The following DMD variants were observed in gnomAD, a reference collection of about 807,000 sequenced individuals.
DMD encodes mutant dystrophin.
DMD carries 63 observed loss-of-function variants against 330.1 expected under a neutral mutation model. That is an observed-to-expected ratio of 0.19 (90% CI 0.16 to 0.24). The LOEUF (loss-of-function observed/expected upper bound fraction) is 0.24. DMD is among the 10% of genes least tolerant of loss of function. The pLI, the probability that DMD is intolerant of heterozygous loss-of-function variation, is 1.00. For synonymous variants in DMD, 1,223 were observed against 959.8 expected, an observed-to-expected ratio of 1.27 and a Z score of -5.07; for missense variants, 3,344 against 2,684.1, an observed-to-expected ratio of 1.25 and a Z score of -5.43.
intron 7 of DMD, among the ~76,000 whole-genome samples, chrX:32,794,921 G>A (rs950584098): frequency 5.4e-5 from 6 of 111,751 alleles, no homozygotes; most frequent in African/African-American, 2.0e-4. Context: ...TATTTACAAC[G>A]GCTGGAAATA....
intron 1 of DMD, among the ~76,000 whole-genome samples, chrX:33,120,583 A>G (rs1234267660): frequency 9.0e-6 from 1 of 111,131 alleles, no homozygotes; most frequent in Admixed American, 9.6e-5. Context: ...TCTCTCCTCT[A>G]TTGAAACACT....
At chrX:31,581,948 C>A (rs965394489) in intron 55 of DMD, among the ~76,000 whole-genome samples, 9 of 111,719 alleles carry the variant, frequency 8.1e-5, no homozygotes, top group African/African-American at 2.9e-4. Context: ...AGCACTGTAT[C>A]TTTACATACT....
intron 63 of DMD, among the ~76,000 whole-genome samples, chrX:31,234,308 T>A (rs2047508653): frequency 1.8e-5 from 2 of 112,864 alleles, no homozygotes; most frequent in African/African-American, 3.2e-5. Context: ...TACCTGGCTG[T>A]CACTCAAATT....
intron 9 of DMD, among the ~76,000 whole-genome samples, chrX:32,681,903 C>A (rs61609756): frequency 0.14 from 15,344 of 110,635 alleles, 2,519 homozygotes; most frequent in African/African-American, 0.47. Flanking sequence ...AAAGGAAGTG[C>A]GCCATATGAA....
rs891371383 is a variant in DMD, at chrX:32,823,827, G to T, written c.265-440C>A. Among the ~76,000 whole-genome samples the T allele has an allele frequency of 2.2e-4, 25 of 111,356 alleles. 3 individuals are homozygous for T. Among genetic ancestry groups the T allele is most frequent in the Admixed American group, 1.8e-3 (19 of 10,422 alleles). ...GAATGTTAGGTCTCTAATAAACAAT[G>T]GAGCAAACTGCCAGCTCTCTTATCT... On this transcript the variant is annotated intron_variant, in intron 4 of 78. Transcript: ENST00000357033.
intron 4 of DMD, among the ~76,000 whole-genome samples, chrX:32,842,610 C>G (rs985569237): frequency 2.7e-5 from 3 of 111,019 alleles, no homozygotes; most frequent in African/African-American, 9.8e-5. Flanking sequence ...GCTGCTGGCT[C>G]TTTGTTCCCT....
rs1381179013 is a variant in DMD, at chrX:32,807,137, A to C, written c.649+2356T>G. On this transcript the variant is annotated intron_variant, in intron 7 of 78. Coordinates refer to ENST00000357033, the MANE Select transcript of DMD (RefSeq NM_004006.3). The stretch of plus-strand genomic sequence containing the variant: ...CGGAAACATTTAAAAAAAAAAAAAA[A>C]AAAAAAAAAAAACATCAACAAATCC... 1.1e-4 allele frequency among the ~76,000 whole-genome samples: 11 copies of C among 104,079 alleles called. 1 individual carries two copies. Among genetic ancestry groups the C allele is most frequent in the Admixed American group, 4.1e-4 (4 of 9,702 alleles). The allele number at this position is 104,079 out of a possible 115,157, so 90.4% of individuals were successfully genotyped here.
chrX:33,183,037 A>G lies in DMD; in HGVS notation c.31+28245T>C, dbSNP rs753688427. 2.7e-5 allele frequency among the ~76,000 whole-genome samples: 3 copies of G among 112,149 alleles called. No individual in the cohort carries two copies. The East Asian group carries it at 8.4e-4, about 31-fold the overall frequency. ...CTAATAAATATGGAGATGATTTTTT[A>G]TAGTGATGTAATGGGCTAGATTGTA... On this transcript the variant is annotated intron_variant, in intron 1 of 78. Transcript: ENST00000357033.
In DMD at chrX:31,162,356, TAAA is replaced by T. The variant is rs57908991; in HGVS notation, c.10553+7084_10553+7086del. Among the ~76,000 whole-genome samples the T allele has an allele frequency of 7.9e-5, 4 of 50,620 alleles. No homozygotes were observed. The East Asian group carries it at 2.7e-3, about 34-fold the overall frequency. 44.0% of individuals were successfully genotyped at this position (50,620 alleles called of 115,157 possible). On this transcript the variant is annotated intron_variant, in intron 74 of 78. Transcript: ENST00000357033. ...AGGATGAGGGTCTTCATGAAAAATCTAAAAAAAAAAAAAAAAAAAAAAGGGAAA... is the reference window on the plus strand; with the variant it reads ...AGGATGAGGGTCTTCATGAAAAATCTAAAAAAAAAAAAAAAAAAAGGGAAA...
At chrX:32,257,938 C>T (rs773132683) in intron 43 of DMD, among the ~76,000 whole-genome samples, 9 of 106,867 alleles carry the variant, frequency 8.4e-5, no homozygotes, top group East Asian at 2.9e-4. Flanking sequence ...GGCTAATACC[C>T]GGAATCTATA....
chrX:32,415,962 TAA>T (rs746521845), intron 29 of DMD, among the ~76,000 whole-genome samples: 3 of 112,139 alleles, frequency 2.7e-5, no homozygotes, highest in Non-Finnish European at 5.6e-5. Flanking sequence ...GCTGGCAATG[TAA>T]AGTCATCTCT....
chrX:32,553,044 G>A (rs951209994), intron 16 of DMD, among the ~76,000 whole-genome samples: 8 of 111,653 alleles, frequency 7.2e-5, no homozygotes, highest in African/African-American at 2.6e-4. Flanking sequence ...ATTACCATTC[G>A]ACCCAGCAAT....
chrX:33,245,383 CA>C (rs1255014445), intron 1 of DMD, among the ~76,000 whole-genome samples: 2 of 111,279 alleles, frequency 1.8e-5, no homozygotes, highest in African/African-American at 6.5e-5. Flanking sequence ...TCTGAATAGT[CA>C]AAACTGATGA....
intron 16 of DMD, among the ~76,000 whole-genome samples, chrX:32,546,399 G>A (rs228376): frequency 0.17 from 18,605 of 108,589 alleles, 1,494 homozygotes; most frequent in East Asian, 0.4. Flanking sequence ...ATTCATTTTA[G>A]CAATTTTCCT....
At chrX:32,006,238 T>G (rs2095660541) in intron 44 of DMD, among the ~76,000 whole-genome samples, 1 of 112,096 alleles carries the variant, frequency 8.9e-6, no homozygotes. Flanking sequence ...CTTAGAGATT[T>G]AGTTTCCATT....
At chrX:32,884,364 AC>A (rs1011382829) in intron 2 of DMD, among the ~76,000 whole-genome samples, 3 of 111,802 alleles carry the variant, frequency 2.7e-5, no homozygotes, top group African/African-American at 9.8e-5. Flanking sequence ...TATATAATTA[AC>A]CAATCAATTT....
chrX:31,364,790 G>A (rs2059139771), intron 60 of DMD, among the ~76,000 whole-genome samples: 1 of 111,224 alleles, frequency 9.0e-6, no homozygotes, highest in African/African-American at 3.3e-5. Context: ...GTCTCATTAT[G>A]AAGAAATAAT....
intron 57 of DMD, among the ~76,000 whole-genome samples, chrX:31,481,842 G>A (rs1016773477): frequency 3.6e-5 from 4 of 111,486 alleles, no homozygotes; most frequent in African/African-American, 1.3e-4. Flanking sequence ...ATACCTTGGA[G>A]ACATTTCCAG....
intron 1 of DMD, among the ~76,000 whole-genome samples, chrX:33,259,375 G>C (rs796119684): frequency 2.7e-5 from 3 of 110,154 alleles, no homozygotes; most frequent in African/African-American, 6.6e-5. Context: ...TGTTGTACAT[G>C]CTATAGGTTT....
Sources: gnomAD v4.1 joint callset for allele counts (sites outside exome capture counted in the v4.1 genomes callset) on GRCh38, gnomAD v4.1.1 for gene constraint, MANE v1.5 for transcripts, NCBI Gene and HGNC (gene_info 2026-07-23, HGNC 2026-07-21) for gene names.